Variants in BNIP1 observed in about 807,000 individuals in gnomAD.
BNIP1 encodes the protein BCL2 interacting protein 1, also known as vesicle transport protein SEC20.
In BNIP1, 25 loss-of-function variants were observed where a neutral mutation model predicts 28.5. That is an observed-to-expected ratio of 0.88 (90% CI 0.64 to 1.23). The LOEUF is 1.23. Among genes scored for constraint, BNIP1 ranks in the 50% most tolerant of loss-of-function variants. The pLI is 0.00. For synonymous variants in BNIP1, 118 were observed against 101.7 expected (o/e 1.16, Z -0.96); for missense variants, 276 against 277.0 (o/e 1.00, Z 0.02).
At chr5:173,152,105 A>G (rs1271159878) in intron 2 of BNIP1, among the ~76,000 whole-genome samples, 2 of 152,152 alleles carry the variant, frequency 1.3e-5, no homozygotes, top group African/African-American at 4.8e-5. Flanking sequence ...TAGCTCTCAA[A>G]CTGGAATTTG....
At chr5:173,144,930 C>T (rs1416323568) in intron 1 of BNIP1, 8 of 309,698 alleles carry the variant, frequency 2.6e-5, no homozygotes, top group East Asian at 6.2e-5. Context: ...CCCTGGTCGT[C>T]GCCCCGCCCC....
chr5:173,163,487 G>A (rs994333658), intron 5 of BNIP1, among the ~76,000 whole-genome samples: 1 of 152,164 alleles, frequency 6.6e-6, no homozygotes, highest in African/African-American at 2.4e-5. Context: ...CCTTCTCCCT[G>A]GTGACGCTCA....
rs1760273293 is a variant in BNIP1 at position 173,158,630 on chromosome 5, GCCGTGCCTGGTGGCCTTCT to G, written c.270-111_270-93del. 7 of 737,244 alleles carry G rather than the reference GCCGTGCCTGGTGGCCTTCT, an allele frequency of 9.5e-6. No individual in the cohort carries two copies. In the East Asian group the frequency reaches 2.0e-4, roughly 21 times the overall value. 45.7% of individuals were successfully genotyped at this position (737,244 alleles called of 1,614,324 possible). A position where few individuals can be genotyped will look rare whatever the true frequency, so the allele number is the denominator to read the frequency against. On this transcript the variant is annotated intron_variant, in intron 3 of 5. Coordinates refer to ENST00000351486, the MANE Select transcript of BNIP1 (RefSeq NM_001205.3). ...GCAGGAGGTGGGATGGGCTCTGAAG[GCCGTGCCTGGTGGCCTTCT>G]CCCGTGTGCCTTTGTTGGGGGGAAG...
intron 3 of BNIP1, among the ~76,000 whole-genome samples, chr5:173,157,996 G>A (rs547943572): frequency 1.3e-4 from 20 of 149,944 alleles, no homozygotes; most frequent in African/African-American, 2.5e-4. Context: ...GTACTATCAC[G>A]GCTCACTGCA....
rs1054974166 is a variant in BNIP1 at position 173,164,194 on chromosome 5, C to T, written c.*273C>T. The T allele has an allele frequency of 2.4e-5, 7 of 294,876 alleles. No homozygotes were observed. Among genetic ancestry groups the T allele is most frequent in the South Asian group, 1.5e-4 (1 of 6,760 alleles). The allele number at this position is 294,876 out of a possible 1,614,324, so 18.3% of individuals were successfully genotyped here. ...TGTGCACTATGGGAGGCCGCTGCTGCGTGGAGCACTTAAAGTCCAGCCTCC... is the reference window on the plus strand; with the variant it reads ...TGTGCACTATGGGAGGCCGCTGCTGTGTGGAGCACTTAAAGTCCAGCCTCC... On this transcript the variant is annotated 3_prime_UTR_variant, in exon 6 of 6. Transcript: ENST00000351486. This position sits in a 1 kb window ranked among gnomAD's most constrained non-coding sequence, Gnocchi z 4.0.
chr5:173,150,569 A>T (rs1759986985), intron 2 of BNIP1, among the ~76,000 whole-genome samples: 1 of 152,128 alleles, frequency 6.6e-6, no homozygotes, highest in Non-Finnish European at 1.5e-5. Flanking sequence ...TTAATTTTTT[A>T]TTTTTGAAAA....
intron 5 of BNIP1, chr5:173,160,960 G>A: frequency 4.8e-6 from 2 of 413,256 alleles, no homozygotes; most frequent in Admixed American, 3.1e-5. Flanking sequence ...TTCAGTATAA[G>A]ACAACAGAAA....
At chr5:173,160,750 G>A in intron 5 of BNIP1, 1 of 452,574 alleles carries the variant, frequency 2.2e-6, no homozygotes, top group Non-Finnish European at 4.4e-6. Context: ...GAGATGTTTG[G>A]CGAATCAGCT....
chr5:173,157,274 A>C (rs1043863574), intron 3 of BNIP1, among the ~76,000 whole-genome samples: 1 of 152,290 alleles, frequency 6.6e-6, no homozygotes, highest in East Asian at 1.9e-4. Flanking sequence ...CTGTCAGTTC[A>C]TGTACTCTGT....
rs1398665453 is a variant in BNIP1 at position 173,146,851 on chromosome 5, T to C, written c.85-15T>C. 4 of 1,601,990 alleles carry C rather than the reference T, an allele frequency of 2.5e-6. No individual in the cohort carries two copies. The East Asian group carries it at 8.9e-5, about 36-fold the overall frequency. Reference sequence around the variant, plus strand: ...TGCCTTGAGAAAGGCCTTTCATCTGTTCAATGTCTCCTAGGATATCCGTGA... The same window carrying C: ...TGCCTTGAGAAAGGCCTTTCATCTGCTCAATGTCTCCTAGGATATCCGTGA... On this transcript the variant is annotated splice_polypyrimidine_tract_variant and intron_variant, in intron 1 of 5. Transcript: ENST00000351486.
chr5:173,148,106 A>T (rs1337051425), intron 2 of BNIP1, among the ~76,000 whole-genome samples: 1 of 76,950 alleles, frequency 1.3e-5, no homozygotes, highest in Non-Finnish European at 2.4e-5. Context: ...ATATATATAT[A>T]TATATATATA....
chr5:173,163,084 A>G (rs1230704485), intron 5 of BNIP1, among the ~76,000 whole-genome samples: 1 of 152,216 alleles, frequency 6.6e-6, no homozygotes, highest in Non-Finnish European at 1.5e-5. Context: ...TTCTACCCTC[A>G]GCGTCAGGCC....
At position 173,144,532 on chromosome 5, in the gene BNIP1, C is replaced by CCGG. The variant is rs1561591224; in HGVS notation, c.-11_-9dup. ...ACTTGGGTCCTGCCGCTGCCCGTAG[C>CCGG]CGGCGTCCCCAACATGGCGGCTCCC... On this transcript the variant is annotated 5_prime_UTR_variant, in exon 1 of 6. Transcript: ENST00000351486. 6.2e-7 allele frequency: 1 copy of CCGG among 1,613,892 alleles called. No homozygotes were observed. Among genetic ancestry groups the CCGG allele is most frequent in the East Asian group, 2.2e-5 (1 of 44,886 alleles).
chr5:173,144,718 TC>T (rs1759781123), intron 1 of BNIP1, 89 bp downstream of exon 1: 2 of 1,396,378 alleles, frequency 1.4e-6, no homozygotes, highest in Non-Finnish European at 2.0e-6. Flanking sequence ...TCCCGAACTT[TC>T]CCCACTTGGT....
chr5:173,160,102 GC>G (rs1760318907), intron 5 of BNIP1, 51 bp downstream of exon 5: 3 of 1,545,878 alleles, frequency 1.9e-6, no homozygotes, highest in Non-Finnish European at 2.7e-6. Context: ...CTGCTCTAGG[GC>G]CCTTGCCCTG....
rs146215453 is a variant in BNIP1, at chr5:173,156,333, G to A, written c.269+1920G>A. 6.6e-4 allele frequency among the ~76,000 whole-genome samples: 101 copies of A among 152,284 alleles called. 2 individuals are homozygous for A. Among genetic ancestry groups the A allele is most frequent in the Middle Eastern group, 6.8e-3 (2 of 294 alleles). ...CCACAATGTAGCATTACAGGCCAGA[G>A]CAGAGAAAGCTGTCAATTTATACTT... On this transcript the variant is annotated intron_variant, in intron 3 of 5. Transcript: ENST00000351486.
intron 5 of BNIP1, chr5:173,160,884 C>G: frequency 2.2e-6 from 1 of 456,238 alleles, no homozygotes; most frequent in South Asian, 1.5e-5. Flanking sequence ...CATCTGGTTT[C>G]CTCCAATAGT....
chr5:173,156,488 A>AAAAATTAGC (rs1760189345), intron 3 of BNIP1, among the ~76,000 whole-genome samples: 2 of 151,934 alleles, frequency 1.3e-5, no homozygotes, highest in African/African-American at 4.8e-5. Flanking sequence ...TAAAAAAAAA[A>AAAAATTAGC]AAAATTAGCT....
At chr5:173,151,200 A>G (rs1760008876) in intron 2 of BNIP1, among the ~76,000 whole-genome samples, 2 of 152,114 alleles carry the variant, frequency 1.3e-5, no homozygotes, top group Admixed American at 1.3e-4. Context: ...TTCAGTAATC[A>G]GAGACTGTCC....
Sources: gnomAD v4.1 joint callset for allele counts (sites outside exome capture counted in the v4.1 genomes callset) on GRCh38, gnomAD v4.1.1 for gene constraint, Gnocchi (gnomAD v3.1) non-coding constraint, MANE v1.5 for transcripts, NCBI Gene and HGNC (gene_info 2026-07-23, HGNC 2026-07-21) for gene names.